Variants in LRPPRC observed in about 807,000 individuals in gnomAD.
LRPPRC encodes the protein leucine rich pentatricopeptide repeat containing, also known as leucine-rich PPR motif-containing protein, mitochondrial.
LRPPRC carries 120 observed loss-of-function variants against 180.3 expected under a neutral mutation model. The observed-to-expected ratio is 0.67, with a 90% confidence interval of 0.57 to 0.77. The LOEUF is 0.77. Among genes scored for constraint, LRPPRC ranks in the 30% least tolerant of loss-of-function variants. The pLI is 0.00. For synonymous variants in LRPPRC, 723 were observed against 600.0 expected, an observed-to-expected ratio of 1.21 and a Z score of -3.00; for missense variants, 2,012 against 1,657.2, an observed-to-expected ratio of 1.21 and a Z score of -3.72.
At chr2:43,972,765 A>C (rs1319909712) in intron 11 of LRPPRC, among the ~76,000 whole-genome samples, 4 of 152,198 alleles carry the variant, frequency 2.6e-5, no homozygotes, top group African/African-American at 4.8e-5. Flanking sequence ...AAGTCTGCTA[A>C]AAGCACTTTT....
At chr2:43,972,252 A>C (rs1001708664) in intron 11 of LRPPRC, among the ~76,000 whole-genome samples, 3 of 152,188 alleles carry the variant, frequency 2.0e-5, no homozygotes, top group African/African-American at 7.2e-5. Context: ...AGCTTTCAGT[A>C]CAGCACTTTT....
At chr2:43,952,953 T>C (rs1672962768) in intron 14 of LRPPRC, among the ~76,000 whole-genome samples, 1 of 152,212 alleles carries the variant, frequency 6.6e-6, no homozygotes, top group South Asian at 2.1e-4. Flanking sequence ...TATCCTAACT[T>C]AGAATGAGAC....
rs574302618 is a variant in LRPPRC, at chr2:43,897,780, T to C, written c.3826-1072A>G. Reference sequence around the variant, plus strand: ...CACCCACCCAGGCGGCTGTCAATTGTGCTCTTCCAGAAAAACCTTGATTAT... The same window carrying C: ...CACCCACCCAGGCGGCTGTCAATTGCGCTCTTCCAGAAAAACCTTGATTAT... On this transcript the variant is annotated intron_variant, in intron 34 of 37. Transcript: ENST00000260665. Among the ~76,000 whole-genome samples the C allele has an allele frequency of 2.6e-5, 4 of 152,200 alleles. No individual in the cohort carries two copies. The East Asian group carries it at 7.7e-4, about 29-fold the overall frequency.
intron 1 of LRPPRC, among the ~76,000 whole-genome samples, chr2:43,988,349 C>T (rs184167926): frequency 6.6e-6 from 1 of 151,974 alleles, no homozygotes; most frequent in Non-Finnish European, 1.5e-5. Flanking sequence ...CCAGCCTAAC[C>T]AACATGAAGA....
At chr2:43,984,821 G>A (rs1307465919) in intron 1 of LRPPRC, among the ~76,000 whole-genome samples, 2 of 152,008 alleles carry the variant, frequency 1.3e-5, no homozygotes, top group Non-Finnish European at 2.9e-5. Context: ...AACCACATAA[G>A]GGGAAATTAT....
rs1673285834 is a variant in LRPPRC at position 43,960,223 on chromosome 2, A to G, written c.1582+318T>C. Among the ~76,000 whole-genome samples, 10 of 152,110 alleles carry G rather than the reference A, an allele frequency of 6.6e-5. No homozygotes were observed. In the South Asian group the frequency reaches 1.9e-3, roughly 28 times the overall value. On this transcript the variant is annotated intron_variant, in intron 13 of 37. Coordinates refer to ENST00000260665, the MANE Select transcript of LRPPRC (RefSeq NM_133259.4). ...TTAGGTAGTACTATCCCTGTTTAGT[A>G]AAAGTGAAGCAGAGAGGTTAGAAGA...
chr2:43,918,484 G>T lies in LRPPRC; in HGVS notation c.2897-86C>A, dbSNP rs190556917. On this transcript the variant is annotated intron_variant, in intron 27 of 37. Coordinates refer to ENST00000260665, the MANE Select transcript of LRPPRC (RefSeq NM_133259.4). ...TATTTAGAACTTTTTCTTATTTGAT[G>T]TTGAAGAAAGCATTATTCCAAATGC... The T allele has an allele frequency of 1.2e-3, 1,215 of 1,026,982 alleles. 12 individuals are homozygous for T. Among genetic ancestry groups the T allele is most frequent in the South Asian group, 7.6e-3 (565 of 74,038 alleles). 63.6% of individuals were successfully genotyped at this position (1,026,982 alleles called of 1,614,324 possible). A position where few individuals can be genotyped will look rare whatever the true frequency, so the allele number is the denominator to read the frequency against.
In LRPPRC at chr2:43,949,622, T is replaced by C. The variant is rs202006596; in HGVS notation, c.1715A>G (p.Gln572Arg). The C allele has an allele frequency of 2.5e-6, 4 of 1,614,028 alleles. No homozygotes were observed. The highest frequency in any genetic ancestry group is 3.4e-6 in the Non-Finnish European group (4 of 1,179,918). The change falls in exon 16 of 38, where the codon CAG becomes CGG. Residue 572 changes from glutamine to arginine, a missense_variant. Physicochemically the swap from Gln to Arg is conservative, Grantham distance 43. Transcript: ENST00000260665. ...GCTACCCGTCGGTCCTCGAGGCTCC[T>C]GGCAATAACGTCCATCCTTGTACAA... is the stretch of plus-strand genomic sequence containing the variant. The part of the protein sequence containing the change: ...ELLYKDGRYC[Q>R]EPRGPTEAVG...
chr2:43,924,291 C>T (rs540463164), intron 27 of LRPPRC, among the ~76,000 whole-genome samples: 4 of 152,220 alleles, frequency 2.6e-5, no homozygotes, highest in African/African-American at 7.2e-5. Flanking sequence ...CTAAAAGAAA[C>T]TGTAAAGCTC....
At chr2:43,963,560 A>C in intron 12 of LRPPRC, 28 bp downstream of exon 12, 1 of 1,289,948 alleles carries the variant, frequency 7.8e-7, no homozygotes, top group Non-Finnish European at 1.1e-6. Flanking sequence ...CTCTTCAATT[A>C]TTAAATTAAA....
At chr2:43,967,886 T>C (rs1451173032) in intron 11 of LRPPRC, among the ~76,000 whole-genome samples, 3 of 152,140 alleles carry the variant, frequency 2.0e-5, no homozygotes, top group Non-Finnish European at 4.4e-5. Context: ...CCATAAAAGA[T>C]GGCAAATCCC....
chr2:43,985,677 A>G (rs1456986576), intron 1 of LRPPRC, among the ~76,000 whole-genome samples: 1 of 152,146 alleles, frequency 6.6e-6, no homozygotes, highest in East Asian at 1.9e-4. Context: ...ACTTCTTTTC[A>G]TTGTTGAATA....
rs547242594 is a variant in LRPPRC at position 43,899,488 on chromosome 2, C to T, written c.3687G>A (p.Gln1229=). Residue 1229 remains glutamine (Q), a synonymous_variant, in exon 33 of 38, where the codon CAG becomes CAA. Transcript: ENST00000260665. ...TACTCTTTTCAACTGCTGGTTCCAA[C>T]TGCTCCTCTATTACTTTTCTGAATA... ...AYLFRKVIEE[Q]LEPAVEKISI... The T allele has an allele frequency of 6.2e-7, 1 of 1,614,166 alleles. No homozygotes were observed. The highest frequency in any genetic ancestry group is 8.5e-7 in the Non-Finnish European group (1 of 1,180,012).
chr2:43,912,686 ACT>A, intron 29 of LRPPRC, 128 bp from the exon 30 acceptor site: 1 of 683,572 alleles, frequency 1.5e-6, no homozygotes, highest in Non-Finnish European at 2.6e-6. Context: ...CACTGTTACC[ACT>A]CTATAGAGAG....
At chr2:43,931,049 A>G (rs1672069771) in intron 25 of LRPPRC, among the ~76,000 whole-genome samples, 1 of 152,164 alleles carries the variant, frequency 6.6e-6, no homozygotes, top group Non-Finnish European at 1.5e-5. Context: ...AAGATTATAT[A>G]TACAAGCAAA....
intron 14 of LRPPRC, among the ~76,000 whole-genome samples, chr2:43,950,978 G>A (rs1478609253): frequency 6.6e-6 from 1 of 152,236 alleles, no homozygotes; most frequent in East Asian, 1.9e-4. Context: ...GCTGAGGCAG[G>A]AGAATTGCCT....
Position 43,975,174 on chromosome 2 carries a change from C to A in LRPPRC, c.781G>T (p.Ala261Ser). 1.2e-6 allele frequency: 2 copies of A among 1,613,348 alleles called. No homozygotes were observed. Among genetic ancestry groups the A allele is most frequent in the African/African-American group, 1.3e-5 (1 of 75,036 alleles). ...AENILTVMRD[A>S]GIEPGPDTYL... ...GTGTCTGGACCAGGCTCAATTCCGGCATCTCTCATCACTGTGAGAATGTTT... is the reference window on the plus strand; with the variant it reads ...GTGTCTGGACCAGGCTCAATTCCGGAATCTCTCATCACTGTGAGAATGTTT... Residue 261 changes from alanine (A) to serine (S), a missense_variant, in exon 7 of 38, where the codon GCC becomes TCC. Physicochemically the swap from Ala to Ser is moderately conservative, Grantham distance 99. Transcript: ENST00000260665.
At chr2:43,982,128 G>A (rs531180454) in intron 2 of LRPPRC, 110 bp downstream of exon 2, 14 of 701,786 alleles carry the variant, frequency 2.0e-5, no homozygotes, top group Middle Eastern at 3.7e-4. Flanking sequence ...GGCTGGTCTC[G>A]AACACTTGGC....
At chr2:43,965,366 T>C (rs913377384) in intron 11 of LRPPRC, among the ~76,000 whole-genome samples, 4 of 152,140 alleles carry the variant, frequency 2.6e-5, no homozygotes, top group Non-Finnish European at 5.9e-5. Flanking sequence ...GCCTGGACCC[T>C]TATCTTATAC....
Sources: allele counts gnomAD v4.1 joint callset (sites outside exome capture counted in the v4.1 genomes callset), GRCh38; gene constraint gnomAD v4.1.1; transcripts MANE v1.5; gene names NCBI Gene and HGNC (gene_info 2026-07-23, HGNC 2026-07-21).